Variants in NELL1 observed in about 807,000 individuals in gnomAD.
NELL1 encodes the protein protein kinase C-binding protein NELL1.
In NELL1, 76 loss-of-function variants were observed where a neutral mutation model predicts 107.4. The observed-to-expected ratio is 0.71, with a 90% CI of 0.59 to 0.86. NELL1 has a LOEUF of 0.86. Ranked by LOEUF, NELL1 falls within the 40% of genes least tolerant of loss-of-function variation. The pLI is 0.00. For synonymous variants in NELL1, 353 were observed against 341.2 expected, an observed-to-expected ratio of 1.03 and a Z score of -0.38; for missense variants, 1,024 against 1,005.5, an observed-to-expected ratio of 1.02 and a Z score of -0.25.
intron 15 of NELL1, among the ~76,000 whole-genome samples, chr11:21,385,611 C>G (rs890795626): frequency 6.6e-6 from 1 of 151,856 alleles, no homozygotes; most frequent in African/African-American, 2.4e-5. Flanking sequence ...CTTCAAGTCC[C>G]CAGTCTTACT....
intron 12 of NELL1, among the ~76,000 whole-genome samples, chr11:21,098,410 C>T (rs144004595): frequency 1.7e-3 from 264 of 152,326 alleles, no homozygotes; most frequent in African/African-American, 6.0e-3. Context: ...CCTGCCTAAT[C>T]TCTGTAACCT....
rs1219383110 is a variant in NELL1, at chr11:21,575,304, TCATTTGCAAATA to T, written c.*288_*299del. On this transcript the variant is annotated 3_prime_UTR_variant, in exon 20 of 20. Transcript: ENST00000357134. ...TGTAAATCATGTTTCCCTTATCAGA[TCATTTGCAAATA>T]CATTTAAATGATCTCATGGTAAATG... The T allele has an allele frequency of 3.0e-6, 1 of 337,678 alleles. No individual in the cohort carries two copies. The highest frequency in any genetic ancestry group is 5.5e-6 in the Non-Finnish European group (1 of 182,192). 20.9% of individuals were successfully genotyped at this position (337,678 alleles called of 1,614,324 possible). A position where few individuals can be genotyped will look rare whatever the true frequency, so the allele number is the denominator to read the frequency against.
chr11:21,035,774 A>G (rs1196350100), intron 12 of NELL1, among the ~76,000 whole-genome samples: 1 of 152,140 alleles, frequency 6.6e-6, no homozygotes, highest in Non-Finnish European at 1.5e-5. Context: ...CACAGCCAAC[A>G]TCATACTGAA....
chr11:21,371,918 T>C (rs1413835474), intron 15 of NELL1, among the ~76,000 whole-genome samples: 1 of 152,064 alleles, frequency 6.6e-6, no homozygotes, highest in Non-Finnish European at 1.5e-5. Context: ...ATGTGCCCAT[T>C]TATTATTTCT....
At position 20,915,719 on chromosome 11, in the gene NELL1, T is replaced by TATATATA. The variant is rs1332292027; in HGVS notation, c.604-2463_604-2462insATATATA. On this transcript the variant is annotated intron_variant, in intron 5 of 19. Coordinates refer to ENST00000357134, the MANE Select transcript of NELL1 (RefSeq NM_006157.5). The stretch of plus-strand genomic sequence containing the variant: ...ATAGATGATATATATATATATATAT[T>TATATATA]TTTTTTTTTTTTTTTTGAGAGGAAT... Among the ~76,000 whole-genome samples the TATATATA allele has an allele frequency of 2.0e-3, 49 of 24,296 alleles. 2 individuals are homozygous for TATATATA. The highest frequency in any genetic ancestry group is 6.3e-3 in the African/African-American group (42 of 6,654). 15.9% of individuals were successfully genotyped at this position (24,296 alleles called of 152,430 possible).
At chr11:21,190,090 T>C (rs1045558745) in intron 13 of NELL1, among the ~76,000 whole-genome samples, 2 of 151,776 alleles carry the variant, frequency 1.3e-5, no homozygotes, top group Admixed American at 6.6e-5. Flanking sequence ...CGGTGGCTCA[T>C]GCCTGTAATC....
Position 20,918,264 on chromosome 11 carries a change from A to G in NELL1, c.676+10A>G. ...CCAAATCTAAATCACAGTAAGTAGCAACTTAAAGCATTGTGATATATTATA... is the reference window on the plus strand; with the variant it reads ...CCAAATCTAAATCACAGTAAGTAGCGACTTAAAGCATTGTGATATATTATA... On this transcript the variant is annotated intron_variant, in intron 6 of 19. Transcript: ENST00000357134. The G allele has an allele frequency of 6.8e-7, 1 of 1,465,270 alleles. No individual in the cohort carries two copies. Among genetic ancestry groups the G allele is most frequent in the East Asian group, 2.3e-5 (1 of 44,086 alleles). 90.8% of individuals were successfully genotyped at this position (1,465,270 alleles called of 1,614,324 possible).
intron 3 of NELL1, among the ~76,000 whole-genome samples, chr11:20,807,864 A>G (rs1857418541): frequency 6.6e-6 from 1 of 152,128 alleles, no homozygotes; most frequent in South Asian, 2.1e-4. Flanking sequence ...CCAGGCTACC[A>G]CTGATGTTCC....
intron 13 of NELL1, among the ~76,000 whole-genome samples, chr11:21,224,777 G>T (rs1334500318): frequency 6.6e-6 from 1 of 152,070 alleles, no homozygotes; most frequent in Non-Finnish European, 1.5e-5. Context: ...TCATTGAATT[G>T]TTCTCTTTCA....
chr11:21,497,021 T>C (rs187314704), intron 15 of NELL1, among the ~76,000 whole-genome samples: 43 of 151,846 alleles, frequency 2.8e-4, no homozygotes, highest in Non-Finnish European at 7.4e-5. Flanking sequence ...TAATCCAGTC[T>C]ATCATTGTTG....
intron 2 of NELL1, among the ~76,000 whole-genome samples, chr11:20,741,744 C>G (rs1183253023): frequency 6.6e-6 from 1 of 152,174 alleles, no homozygotes; most frequent in Admixed American, 6.6e-5. Context: ...TTATAAACTT[C>G]TCTCAATTTT....
intron 15 of NELL1, among the ~76,000 whole-genome samples, chr11:21,497,439 G>A (rs1257269520): frequency 6.6e-6 from 1 of 151,922 alleles, no homozygotes; most frequent in Non-Finnish European, 1.5e-5. Context: ...TATTATTTTT[G>A]TTTGACTCTC....
intron 15 of NELL1, among the ~76,000 whole-genome samples, chr11:21,487,894 T>A (rs1055165836): frequency 6.6e-6 from 1 of 152,104 alleles, no homozygotes; most frequent in Non-Finnish European, 1.5e-5. Context: ...TTATTTCAGA[T>A]AAAACAGACT....
At chr11:21,456,423 C>A (rs753136645) in intron 15 of NELL1, among the ~76,000 whole-genome samples, 2 of 151,696 alleles carry the variant, frequency 1.3e-5, no homozygotes, top group Non-Finnish European at 2.9e-5. Flanking sequence ...CGATGTACTT[C>A]CTCATTTCTC....
chr11:21,496,299 C>A (rs1854976181), intron 15 of NELL1, among the ~76,000 whole-genome samples: 1 of 150,910 alleles, frequency 6.6e-6, no homozygotes, highest in African/African-American at 2.4e-5. Context: ...GTTTCTTTTT[C>A]TATTTCTTGT....
chr11:21,293,947 G>A (rs1285155990), intron 14 of NELL1, among the ~76,000 whole-genome samples: 1 of 152,084 alleles, frequency 6.6e-6, no homozygotes, highest in Non-Finnish European at 1.5e-5. Flanking sequence ...GGGGACTAGG[G>A]GAGGGATAGC....
At chr11:21,407,624 T>C (rs1052770714) in intron 15 of NELL1, among the ~76,000 whole-genome samples, 2 of 151,342 alleles carry the variant, frequency 1.3e-5, no homozygotes, top group East Asian at 3.9e-4. Flanking sequence ...GTCTCTCTAT[T>C]ACCTACCAAG....
At chr11:21,053,154 AT>A (rs1425115098) in intron 12 of NELL1, among the ~76,000 whole-genome samples, 1 of 152,008 alleles carries the variant, frequency 6.6e-6, no homozygotes, top group East Asian at 1.9e-4. Flanking sequence ...AAGTTCTGGG[AT>A]ACGTGTACAG....
At chr11:21,216,775 CAGGCTTATAGGCAGA>C (rs1857623133) in intron 13 of NELL1, among the ~76,000 whole-genome samples, 1 of 152,124 alleles carries the variant, frequency 6.6e-6, no homozygotes, top group Non-Finnish European at 1.5e-5. Context: ...TTTGATTTTG[CAGGCTTATAGGCAGA>C]AGGGACTTGC....
Sources: gnomAD v4.1 joint callset for allele counts (sites outside exome capture counted in the v4.1 genomes callset) on GRCh38, gnomAD v4.1.1 for gene constraint, MANE v1.5 for transcripts, NCBI Gene and HGNC (gene_info 2026-07-23, HGNC 2026-07-21) for gene names.